Variants in CYP2F1 observed in about 807,000 individuals in gnomAD.
The protein encoded by CYP2F1 is cytochrome P450 family 2 subfamily F member 1, also known as cytochrome P450 2F1.
CYP2F1 carries 33 observed loss-of-function variants against 40.4 expected under a neutral mutation model. The ratio of observed to expected loss-of-function variants is 0.82; its 90% CI spans 0.62 to 1.09. The LOEUF is 1.09. CYP2F1 is among the 50% of genes least tolerant of loss of function. The probability of loss-of-function intolerance (pLI) is 0.00; values close to 1 mark genes in which losing one functional copy is unlikely to be tolerated. For missense variants in CYP2F1, 566 were observed against 655.7 expected (o/e 0.86, Z 1.49); for synonymous variants, 235 against 277.2 (o/e 0.85, Z 1.51).
rs569175919 is a variant in CYP2F1 at position 41,116,290 on chromosome 19, C to T, written c.102C>T (p.Pro34=). Residue 34 remains proline (P), a synonymous_variant, in exon 2 of 10, where the codon CCC becomes CCT. Coordinates refer to ENST00000331105, the MANE Select transcript of CYP2F1 (RefSeq NM_000774.5). The stretch of plus-strand genomic sequence containing the variant: ...ATAAGGGAAAGCTGCCTCCGGGACC[C>T]AGACCCCTCTCAATCCTGGGAAACC... ...SRDKGKLPPG[P]RPLSILGNLL... 6.2e-7 allele frequency: 1 copy of T among 1,614,150 alleles called. No homozygotes were observed. Among genetic ancestry groups the T allele is most frequent in the Non-Finnish European group, 8.5e-7 (1 of 1,180,024 alleles).
In CYP2F1 at chr19:41,127,884, T is replaced by A. The variant is rs948319799; in HGVS notation, c.1295-17T>A. The A allele has an allele frequency of 2.5e-5, 40 of 1,605,954 alleles. No individual in the cohort carries two copies. The highest frequency in any genetic ancestry group is 3.0e-5 in the Non-Finnish European group (35 of 1,175,692). On this transcript the variant is annotated splice_polypyrimidine_tract_variant and intron_variant, in intron 9 of 9. Coordinates refer to ENST00000331105, the MANE Select transcript of CYP2F1 (RefSeq NM_000774.5). ...CATCTTATCTCACCGCCGCTCCCCA[T>A]CCTGCCACCCCTGCAGGGCGCCGTC... is the stretch of plus-strand genomic sequence containing the variant.
At position 41,128,164 on chromosome 19, in the gene CYP2F1, T is replaced by G. The variant is rs903000017; in HGVS notation, c.*82T>G. 10 of 1,383,044 alleles carry G rather than the reference T, an allele frequency of 7.2e-6. 1 individual carries two copies. The highest frequency in any genetic ancestry group is 7.2e-5 in the East Asian group (3 of 41,614). The allele number at this position is 1,383,044 out of a possible 1,614,324, so 85.7% of individuals were successfully genotyped here. On this transcript the variant is annotated 3_prime_UTR_variant, in exon 10 of 10. Coordinates refer to ENST00000331105, the MANE Select transcript of CYP2F1 (RefSeq NM_000774.5). ...TACGTCCCCTTCTTGGTCCACAGTCTGCCCTCATCCCTCTGGCAGTCACGC... is the reference window on the plus strand; with the variant it reads ...TACGTCCCCTTCTTGGTCCACAGTCGGCCCTCATCCCTCTGGCAGTCACGC...
At chr19:41,121,423 G>T (rs760654203) in intron 4 of CYP2F1, 35 bp from the exon 5 acceptor site, 1 of 1,592,278 alleles carries the variant, frequency 6.3e-7, no homozygotes, top group Non-Finnish European at 8.6e-7. Flanking sequence ...GCTGCACATC[G>T]CGTCTTCCTG....
Position 41,120,438 on chromosome 19 carries a change from T to C in CYP2F1, c.426T>C (p.Ile142=), listed in dbSNP as rs935948990. 4 of 1,613,986 alleles carry C rather than the reference T, an allele frequency of 2.5e-6. No individual in the cohort carries two copies. Among genetic ancestry groups the C allele is most frequent in the South Asian group, 1.1e-5 (1 of 91,066 alleles). ...LRNFGMGKRS[I]EERILEEGSF... ...ATTTCGGGATGGGGAAGAGAAGCAT[T>C]GAGGAGCGAATCCTAGAGGAGGGCA... Residue 142 remains isoleucine, a synonymous_variant, in exon 4 of 10, where the codon ATT becomes ATC. Coordinates refer to ENST00000331105, the MANE Select transcript of CYP2F1 (RefSeq NM_000774.5).
At chr19:41,124,354 C>T (rs2032423455) in intron 7 of CYP2F1, among the ~76,000 whole-genome samples, 1 of 145,984 alleles carries the variant, frequency 6.9e-6, no homozygotes, top group South Asian at 2.2e-4. Flanking sequence ...ACCTCCTCCT[C>T]CTGGGTTCAA....
At chr19:41,119,379 G>C (rs565270918) in intron 3 of CYP2F1, among the ~76,000 whole-genome samples, 1 of 151,768 alleles carries the variant, frequency 6.6e-6, no homozygotes, top group African/African-American at 2.4e-5. Context: ...TTGGGAGGCC[G>C]AGGTGAGTGG....
chr19:41,127,463 G>A lies in CYP2F1; in HGVS notation c.1295-438G>A, dbSNP rs143563665. On this transcript the variant is annotated intron_variant, in intron 9 of 9. Transcript: ENST00000331105. ...TGATCCCCTCGCCTCAGCCTCCCAAGCAGCTGGGACTGCAGGCATGTGCCA... is the reference window on the plus strand; with the variant it reads ...TGATCCCCTCGCCTCAGCCTCCCAAACAGCTGGGACTGCAGGCATGTGCCA... Among the ~76,000 whole-genome samples, 510 of 152,114 alleles carry A rather than the reference G, an allele frequency of 3.4e-3. 9 individuals carry two copies. In the East Asian group the frequency reaches 0.064, roughly 19 times the overall value.
In CYP2F1 at chr19:41,127,901, G is replaced by T. The variant is rs1371725931; in HGVS notation, c.1295G>T (p.Gly432Val). The T allele has an allele frequency of 6.2e-7, 1 of 1,610,608 alleles. No individual in the cohort carries two copies. The highest frequency in any genetic ancestry group is 1.1e-5 in the South Asian group (1 of 90,732). Residue 432 changes from glycine to valine, a missense_variant and splice_region_variant, in exon 10 of 10, where the codon GGG (glycine) becomes GTG (valine). Around this residue, in one of 5 missense-constraint regions of CYP2F1, gnomAD observed 85 missense variants for 84.9 expected, o/e 1.00. Coordinates refer to ENST00000331105, the MANE Select transcript of CYP2F1 (RefSeq NM_000774.5). ...KSPAFMPFSA[G>V]RRLCLGESLA... ...GCTCCCCATCCTGCCACCCCTGCAG[G>T]GCGCCGTCTGTGCCTGGGAGAGTCG...
chr19:41,127,216 T>C (rs148864992), intron 9 of CYP2F1, among the ~76,000 whole-genome samples: 175 of 152,292 alleles, frequency 1.1e-3, no homozygotes, highest in African/African-American at 4.0e-3. Flanking sequence ...TTGGAGTTGT[T>C]AGAATTAATT....
At chr19:41,121,836 C>G (rs1221825468) in intron 5 of CYP2F1, 121 bp from the exon 6 acceptor site, 3 of 1,049,324 alleles carry the variant, frequency 2.9e-6, no homozygotes, top group African/African-American at 2.0e-5. Context: ...CCCCAACCCC[C>G]ACCCCGGACC....
At chr19:41,116,734 G>A in intron 3 of CYP2F1, 117 bp downstream of exon 3, 1 of 1,164,816 alleles carries the variant, frequency 8.6e-7, no homozygotes, top group Non-Finnish European at 1.2e-6. Flanking sequence ...CATCACTGAT[G>A]ACACCAAATG....
Position 41,128,072 on chromosome 19 carries a change from G to C in CYP2F1, c.1466G>C (p.Arg489Pro). ...CCGCGGCCTTTCCAGCTGTGCCTGC[G>C]CCCGCGCTAACGCCCCGGCCCTTCC... is the stretch of plus-strand genomic sequence containing the variant. ...NLPRPFQLCL[R>P]PR Residue 489 changes from arginine to proline, a missense_variant, in exon 10 of 10, where the codon CGC (arginine) becomes CCC (proline). This residue lies in a region of CYP2F1 where 85 missense variants were observed against 84.9 expected (regional missense o/e 1.00). Transcript: ENST00000331105. The C allele has an allele frequency of 6.3e-7, 1 of 1,584,872 alleles. No homozygotes were observed. Among genetic ancestry groups the C allele is most frequent in the African/African-American group, 1.5e-5 (1 of 64,948 alleles).
intron 1 of CYP2F1, 68 bp from the exon 2 acceptor site, chr19:41,116,110 G>A (rs772249529): frequency 4.2e-6 from 6 of 1,442,998 alleles, no homozygotes; most frequent in Admixed American, 2.0e-5. Flanking sequence ...GGGAAGGTAA[G>A]TCCCAGGGGA....
chr19:41,120,596 C>T, intron 4 of CYP2F1, 100 bp downstream of exon 4: 1 of 1,296,038 alleles, frequency 7.7e-7, no homozygotes, highest in Non-Finnish European at 1.1e-6. Flanking sequence ...ATCCTCCCAC[C>T]TCAACCTCCC....
In CYP2F1 at chr19:41,116,170, G is replaced by A. The variant is rs376071609; in HGVS notation, c.-11-8G>A. 4.6e-5 allele frequency: 74 copies of A among 1,605,614 alleles called. No homozygotes were observed. The East Asian group carries it at 6.0e-4, about 13-fold the overall frequency. On this transcript the variant is annotated splice_region_variant and splice_polypyrimidine_tract_variant and intron_variant, in intron 1 of 9. Transcript: ENST00000331105. ...TCCTCTCCCACTTTGCCCTCCACAC[G>A]CCAGCAGCTGCCTTCACCATGGACA...
rs775532166 is a variant in CYP2F1 at position 41,116,251 on chromosome 19, C to T, written c.63C>T (p.Thr21=). The change falls in exon 2 of 10, where the codon ACC becomes ACT. Residue 21 remains threonine (T), a synonymous_variant. Transcript: ENST00000331105. ...LLLALVCLLL[T]LSSRDKGKLP... Reference sequence around the variant, plus strand: ...TGGCTCTCGTCTGTCTGCTCCTGACCCTAAGCTCAAGAGATAAGGGAAAGC... The same window carrying T: ...TGGCTCTCGTCTGTCTGCTCCTGACTCTAAGCTCAAGAGATAAGGGAAAGC... 6.2e-7 allele frequency: 1 copy of T among 1,613,996 alleles called. No homozygotes were observed. The highest frequency in any genetic ancestry group is 8.5e-7 in the Non-Finnish European group (1 of 1,180,024).
chr19:41,116,586 C>T lies in CYP2F1; in HGVS notation c.303C>T (p.Tyr101=), dbSNP rs1466029285. 3 of 1,613,994 alleles carry T rather than the reference C, an allele frequency of 1.9e-6. No individual in the cohort carries two copies. The highest frequency in any genetic ancestry group is 1.1e-5 in the South Asian group (1 of 91,068). The part of the protein sequence containing the change: ...QGEEFSGRGD[Y]PAFFNFTKGN... ...AGGAGTTTAGTGGCCGCGGTGACTA[C>T]CCTGCCTTTTTCAACTTTACCAAGG... The change falls in exon 3 of 10, where the codon TAC becomes TAT. Residue 101 remains tyrosine (Y), a synonymous_variant. Transcript: ENST00000331105.
At chr19:41,123,263 T>C (rs1424909928) in intron 7 of CYP2F1, 1 of 486,594 alleles carries the variant, frequency 2.1e-6, no homozygotes, top group African/African-American at 1.9e-5. Context: ...AGTGGCGTGA[T>C]CTCGATCCGC....
intron 9 of CYP2F1, among the ~76,000 whole-genome samples, chr19:41,126,180 C>T (rs1397363734): frequency 6.6e-6 from 1 of 151,950 alleles, no homozygotes; most frequent in Non-Finnish European, 1.5e-5. Context: ...AATCCCAGCA[C>T]TTTGGGAGAT....
Sources: gnomAD v4.1 joint callset for allele counts (sites outside exome capture counted in the v4.1 genomes callset) on GRCh38, gnomAD v4.1.1 for gene constraint, gnomAD v4.1.1 regional missense constraint, MANE v1.5 for transcripts, NCBI Gene and HGNC (gene_info 2026-07-23, HGNC 2026-07-21) for gene names.